SBF2: variants seen among roughly 807,000 people sequenced by gnomAD.
The protein encoded by SBF2 is myotubularin-related protein 13.
A neutral mutation model predicts 225.2 loss-of-function variants in SBF2; 112 were observed. That is an observed-to-expected ratio of 0.50 (90% CI 0.43 to 0.58). SBF2 has a LOEUF of 0.58. SBF2 is among the 20% of genes least tolerant of loss of function. The pLI is 0.00. For synonymous variants in SBF2, 763 were observed against 773.3 expected (o/e 0.99, Z 0.22); for missense variants, 1,996 against 2,206.2 (o/e 0.90, Z 1.91).
chr11:10,190,507 T>C (rs937346964), intron 2 of SBF2, among the ~76,000 whole-genome samples: 6 of 152,172 alleles, frequency 3.9e-5, no homozygotes, highest in Admixed American at 3.9e-4. Flanking sequence ...AATAGAAAAA[T>C]AGAAGGCAAT....
intron 17 of SBF2, among the ~76,000 whole-genome samples, chr11:9,861,559 G>A (rs1230454886): frequency 6.6e-6 from 1 of 150,822 alleles, no homozygotes; most frequent in Admixed American, 6.6e-5. Flanking sequence ...AGCTACTTGG[G>A]AGACTGAGGC....
chr11:9,881,816 C>G (rs1218163186), intron 17 of SBF2, among the ~76,000 whole-genome samples: 1 of 151,870 alleles, frequency 6.6e-6, no homozygotes, highest in African/African-American at 2.4e-5. Context: ...AACCCCATCT[C>G]TAAAAAAAAT....
intron 34 of SBF2, 65 bp from the exon 35 acceptor site, chr11:9,789,407 C>T: frequency 8.7e-7 from 1 of 1,155,564 alleles, no homozygotes; most frequent in Non-Finnish European, 1.3e-6. Flanking sequence ...CACTGTCAGG[C>T]AAACCCCTAA....
intron 1 of SBF2, among the ~76,000 whole-genome samples, chr11:10,302,047 C>A (rs1964604022): frequency 6.6e-6 from 1 of 151,880 alleles, no homozygotes; most frequent in Admixed American, 6.6e-5. Context: ...CCTTCACTTC[C>A]TTCCTTCCTT....
At chr11:9,895,316 T>C (rs1861156755) in intron 17 of SBF2, among the ~76,000 whole-genome samples, 1 of 152,240 alleles carries the variant, frequency 6.6e-6, no homozygotes, top group Admixed American at 6.5e-5. Context: ...CAGAAGGATG[T>C]ATTAAATGCA....
intron 16 of SBF2, among the ~76,000 whole-genome samples, chr11:9,938,204 T>C (rs1165708636): frequency 6.6e-6 from 1 of 150,938 alleles, no homozygotes; most frequent in Non-Finnish European, 1.5e-5. Context: ...GGCAGGAGAA[T>C]GGTGAGAACC....
chr11:9,999,664 A>G (rs1947866392), intron 8 of SBF2, among the ~76,000 whole-genome samples: 1 of 152,174 alleles, frequency 6.6e-6, no homozygotes, highest in Admixed American at 6.5e-5. Context: ...ATTATGTACA[A>G]ACCAGGTGGA....
intron 2 of SBF2, among the ~76,000 whole-genome samples, chr11:10,059,368 G>A (rs1950354450): frequency 6.6e-6 from 1 of 152,062 alleles, no homozygotes; most frequent in Non-Finnish European, 1.5e-5. Context: ...ACTAATTTGA[G>A]ATAGAAAAAG....
At chr11:9,796,928 T>C (rs1853162046) in intron 32 of SBF2, among the ~76,000 whole-genome samples, 1 of 152,198 alleles carries the variant, frequency 6.6e-6, no homozygotes, top group South Asian at 2.1e-4. Flanking sequence ...TGTGGAGCCA[T>C]CTTACATTGG....
At chr11:10,104,491 T>G (rs1321357870) in intron 2 of SBF2, among the ~76,000 whole-genome samples, 1 of 152,192 alleles carries the variant, frequency 6.6e-6, no homozygotes, top group African/African-American at 2.4e-5. Flanking sequence ...GGCTCCTAAC[T>G]TCCGCAACGT....
intron 1 of SBF2, among the ~76,000 whole-genome samples, chr11:10,196,858 A>ATTTTTTT (rs1268280949): frequency 5.9e-5 from 1 of 17,082 alleles, no homozygotes; most frequent in Non-Finnish European, 2.0e-4. Context: ...ATATATATAT[A>ATTTTTTT]TATATATATT....
At chr11:9,862,047 G>C (rs1857796309) in intron 17 of SBF2, among the ~76,000 whole-genome samples, 1 of 152,194 alleles carries the variant, frequency 6.6e-6, no homozygotes, top group Admixed American at 6.5e-5. Context: ...TGGCAAGACA[G>C]ACACAAACGG....
At chr11:9,994,577 C>CACATATATATATATATAT (rs1554977647) in intron 9 of SBF2, among the ~76,000 whole-genome samples, 1 of 134,080 alleles carries the variant, frequency 7.5e-6, no homozygotes, top group Non-Finnish European at 1.6e-5. Flanking sequence ...TATATATGTA[C>CACATATATATATATATAT]ATATATATAT....
intron 2 of SBF2, among the ~76,000 whole-genome samples, chr11:10,103,698 G>T (rs948102532): frequency 1.3e-5 from 2 of 152,196 alleles, no homozygotes; most frequent in African/African-American, 4.8e-5. Flanking sequence ...ACAGTAGAAT[G>T]AAGGGAAATA....
At chr11:9,807,330 C>G (rs1853909509) in intron 32 of SBF2, among the ~76,000 whole-genome samples, 1 of 152,204 alleles carries the variant, frequency 6.6e-6, no homozygotes, top group Non-Finnish European at 1.5e-5. Context: ...TCACATCTCC[C>G]CTACCCTCAC....
At chr11:9,959,348 A>G in intron 16 of SBF2, 1 of 778,666 alleles carries the variant, frequency 1.3e-6, no homozygotes, top group Non-Finnish European at 2.4e-6. Flanking sequence ...GGGCTCAGGG[A>G]ATCCACTGGA....
chr11:10,231,057 A>C (rs551360522), intron 1 of SBF2, among the ~76,000 whole-genome samples: 2 of 151,830 alleles, frequency 1.3e-5, no homozygotes, highest in Admixed American at 1.3e-4. Context: ...CATTTCATTC[A>C]TTTCATCTTC....
At chr11:10,061,789 T>C (rs1210231338) in intron 2 of SBF2, among the ~76,000 whole-genome samples, 2 of 152,296 alleles carry the variant, frequency 1.3e-5, no homozygotes, top group East Asian at 3.9e-4. Context: ...ACAGACTCAA[T>C]GCTATTCCTA....
chr11:10,192,061 G>A (rs1184819433), intron 2 of SBF2, among the ~76,000 whole-genome samples: 1 of 152,062 alleles, frequency 6.6e-6, no homozygotes, highest in Non-Finnish European at 1.5e-5. Flanking sequence ...GTTCTAACAG[G>A]TCCCTAGCAC....
Sources: allele counts gnomAD v4.1 joint callset (sites outside exome capture counted in the v4.1 genomes callset), GRCh38; gene constraint gnomAD v4.1.1; transcripts MANE v1.5; gene names NCBI Gene and HGNC (gene_info 2026-07-23, HGNC 2026-07-21).